Variants in DDX60L observed in about 807,000 individuals in gnomAD.
The protein encoded by DDX60L is DExD/H-box 60 like, also known as probable ATP-dependent RNA helicase DDX60-like.
Under a neutral mutation model 211.6 loss-of-function variants are expected in DDX60L, and 191 were observed. The ratio of observed to expected loss-of-function variants is 0.90; its 90% CI spans 0.80 to 1.02. The LOEUF (loss-of-function observed/expected upper bound fraction) is 1.02. Ranked by LOEUF, DDX60L falls within the 50% of genes least tolerant of loss-of-function variation. The probability of loss-of-function intolerance (pLI) is 0.00; values close to 1 mark genes in which losing one functional copy is unlikely to be tolerated. For missense variants in DDX60L, 2,007 were observed against 1,984.1 expected (o/e 1.01, Z -0.22); for synonymous variants, 706 against 694.1 (o/e 1.02, Z -0.27).
Position 168,392,076 on chromosome 4 carries a change from T to C in DDX60L, c.3811-432A>G, listed in dbSNP as rs115147609. ...GGACACACAGCAGATGCACAATAAA[T>C]ATGTGTCCAATAACTGCATGAATGA... On this transcript the variant is annotated intron_variant, in intron 28 of 37. Coordinates refer to ENST00000682922, the MANE Select transcript of DDX60L (RefSeq NM_001012967.3). Among the ~76,000 whole-genome samples the C allele has an allele frequency of 3.9e-3, 597 of 152,258 alleles. 3 individuals carry two copies. Among genetic ancestry groups the C allele is most frequent in the Admixed American group, 9.4e-3 (144 of 15,296 alleles).
At chr4:168,386,878 G>A (rs767051526) in intron 29 of DDX60L, among the ~76,000 whole-genome samples, 9 of 152,208 alleles carry the variant, frequency 5.9e-5, no homozygotes, top group South Asian at 2.1e-4. Context: ...AAATGTTCAT[G>A]AGCATAAGAA....
chr4:168,414,151 A>G (rs1749133288), intron 22 of DDX60L, among the ~76,000 whole-genome samples: 1 of 152,154 alleles, frequency 6.6e-6, no homozygotes, highest in East Asian at 1.9e-4. Flanking sequence ...TCAGACATGA[A>G]GGAGAAATAA....
At chr4:168,419,471 T>C (rs1750122041) in intron 18 of DDX60L, 74 bp from the exon 19 acceptor site, 1 of 1,030,988 alleles carries the variant, frequency 9.7e-7, no homozygotes, top group Non-Finnish European at 1.4e-6. Context: ...AATAGGAACC[T>C]AGAAAATATG....
chr4:168,391,428 G>A lies in DDX60L; in HGVS notation c.3915+112C>T, dbSNP rs967563224. On this transcript the variant is annotated intron_variant, in intron 29 of 37. Coordinates refer to ENST00000682922, the MANE Select transcript of DDX60L (RefSeq NM_001012967.3). ...CAACTCAAAAATGCTATGCCACATAGAAAGTAAAAGGAAGGACACAAACCG... is the reference window on the plus strand; with the variant it reads ...CAACTCAAAAATGCTATGCCACATAAAAAGTAAAAGGAAGGACACAAACCG... 215 of 705,556 alleles carry A rather than the reference G, an allele frequency of 3.0e-4. 2 individuals carry two copies. The highest frequency in any genetic ancestry group is 7.1e-4 in the Middle Eastern group (3 of 4,200). 43.7% of individuals were successfully genotyped at this position (705,556 alleles called of 1,614,324 possible). A position where few individuals can be genotyped will look rare whatever the true frequency, so the allele number is the denominator to read the frequency against.
chr4:168,422,693 G>GA (rs1750827922), intron 15 of DDX60L, 23 bp from the exon 16 acceptor site: 2 of 1,496,382 alleles, frequency 1.3e-6, no homozygotes, highest in East Asian at 4.9e-5. Flanking sequence ...TATATTATTT[G>GA]AAATCAACTT....
intron 22 of DDX60L, among the ~76,000 whole-genome samples, chr4:168,414,387 CA>C (rs1292250607): frequency 6.6e-6 from 1 of 152,012 alleles, no homozygotes; most frequent in Admixed American, 6.6e-5. Context: ...GAACCTATCA[CA>C]AATTACAGCC....
Position 168,406,089 on chromosome 4 carries a change from A to G in DDX60L, c.3085-11T>C. ...CTCTGGACACAATTCCTTGGGGGGA[A>G]AATTATCACAAAATTAAGCTAAGCT... On this transcript the variant is annotated splice_polypyrimidine_tract_variant and intron_variant, in intron 23 of 37. Coordinates refer to ENST00000682922, the MANE Select transcript of DDX60L (RefSeq NM_001012967.3). The G allele has an allele frequency of 6.3e-7, 1 of 1,584,586 alleles. No individual in the cohort carries two copies. Among genetic ancestry groups the G allele is most frequent in the Non-Finnish European group, 8.5e-7 (1 of 1,170,280 alleles).
At chr4:168,401,256 ATGTGCCT>A (rs572116517) in intron 25 of DDX60L, among the ~76,000 whole-genome samples, 73 of 152,322 alleles carry the variant, frequency 4.8e-4, no homozygotes, top group African/African-American at 1.6e-3. Context: ...TGGAGGCTTC[ATGTGCCT>A]GGTAAAACTC....
chr4:168,453,206 A>G lies in DDX60L; in HGVS notation c.914T>C (p.Leu305Pro). The change falls in exon 8 of 38, where the codon CTC (leucine) becomes CCC (proline). Residue 305 changes from leucine to proline, a missense_variant. Transcript: ENST00000682922. ...RLRCLCVAFQ[L>P]HLPLSQRACS... is the part of the protein sequence containing the mutation. ...AGCTCTCTGAGAAAGGGGTAAGTGG[A>G]GTTGAAAAGCCACACAGAGGCAACG... 6.2e-7 allele frequency: 1 copy of G among 1,613,388 alleles called. No individual in the cohort carries two copies. The highest frequency in any genetic ancestry group is 8.5e-7 in the Non-Finnish European group (1 of 1,179,546).
intron 13 of DDX60L, 75 bp downstream of exon 13, chr4:168,430,403 C>T: frequency 1.5e-6 from 2 of 1,329,640 alleles, no homozygotes; most frequent in Admixed American, 2.9e-5. Flanking sequence ...GAAGACACCT[C>T]CAGAGACAAA....
Position 168,358,265 on chromosome 4 carries a change from C to T in DDX60L, c.5003G>A (p.Ser1668Asn), listed in dbSNP as rs766664760. The T allele has an allele frequency of 6.3e-7, 1 of 1,578,366 alleles. No homozygotes were observed. Among genetic ancestry groups the T allele is most frequent in the Non-Finnish European group, 8.6e-7 (1 of 1,162,930 alleles). ...FNIQAISDSL[S>N]ELCENKRDNV... is the part of the protein sequence containing the mutation. ...GTCACGCTTATTTTCACATAGTTCACTCAAGGAGTCACTGTATAAATGATA... is the reference window on the plus strand; with the variant it reads ...GTCACGCTTATTTTCACATAGTTCATTCAAGGAGTCACTGTATAAATGATA... The change falls in exon 38 of 38, where the codon AGT (serine) becomes AAT (asparagine). Residue 1668 changes from serine to asparagine, a missense_variant. Coordinates refer to ENST00000682922, the MANE Select transcript of DDX60L (RefSeq NM_001012967.3).
intron 7 of DDX60L, 53 bp from the exon 8 acceptor site, chr4:168,453,335 C>G: frequency 6.5e-7 from 1 of 1,547,212 alleles, no homozygotes; most frequent in Non-Finnish European, 8.8e-7. Context: ...TGTGAAATGG[C>G]ATTGAAATAG....
intron 35 of DDX60L, among the ~76,000 whole-genome samples, chr4:168,372,143 T>C (rs1741143716): frequency 6.6e-6 from 1 of 152,180 alleles, no homozygotes; most frequent in Non-Finnish European, 1.5e-5. Flanking sequence ...GTTATCTTCA[T>C]TGGTGCACAG....
intron 7 of DDX60L, among the ~76,000 whole-genome samples, chr4:168,454,102 A>C (rs1366343001): frequency 2.0e-5 from 3 of 152,200 alleles, no homozygotes; most frequent in Non-Finnish European, 4.4e-5. Context: ...CACCCACGGC[A>C]CATCTTCAGC....
intron 24 of DDX60L, among the ~76,000 whole-genome samples, chr4:168,404,712 A>T (rs1225718607): frequency 6.6e-6 from 1 of 152,116 alleles, no homozygotes; most frequent in African/African-American, 2.4e-5. Flanking sequence ...ATATTTGATA[A>T]TTTTTTTATA....
intron 13 of DDX60L, 35 bp from the exon 14 acceptor site, chr4:168,427,357 G>A (rs577245186): frequency 8.8e-6 from 14 of 1,587,944 alleles, no homozygotes; most frequent in Middle Eastern, 1.7e-4. Flanking sequence ...TGAAACAAGT[G>A]GGAAAATTCC....
In DDX60L at chr4:168,480,233, CA is replaced by C. The variant is rs1760254186; in HGVS notation, c.-111+143del. On this transcript the variant is annotated intron_variant, in intron 1 of 37. Transcript: ENST00000682922. ...TGCCGCCCGAGCCCAGTGGGCGCCC[CA>C]GCTTCCCTCGCCCGGCGCGCACGAA... 3 of 152,932 alleles carry C rather than the reference CA, an allele frequency of 2.0e-5. No individual in the cohort carries two copies. In the Admixed American group the frequency reaches 2.0e-4, roughly 10 times the overall value. 9.5% of individuals were successfully genotyped at this position (152,932 alleles called of 1,614,324 possible).
chr4:168,419,290 C>T lies in DDX60L; in HGVS notation c.2610+12G>A. On this transcript the variant is annotated intron_variant, in intron 19 of 37. Coordinates refer to ENST00000682922, the MANE Select transcript of DDX60L (RefSeq NM_001012967.3). ...ACTAGAACATCAACCAGAGAACTAA[C>T]ACCAAACCTACCTCATCAAATATAA... 6.4e-7 allele frequency: 1 copy of T among 1,572,960 alleles called. No homozygotes were observed. Among genetic ancestry groups the T allele is most frequent in the East Asian group, 2.3e-5 (1 of 43,804 alleles).
chr4:168,420,639 C>CACACACGAG (rs10598233), intron 17 of DDX60L, among the ~76,000 whole-genome samples: 112 of 106,642 alleles, frequency 1.1e-3, no homozygotes, highest in Non-Finnish European at 1.8e-3. Context: ...CACACACACA[C>CACACACGAG]ATGAGATAGA....
Sources: allele counts gnomAD v4.1 joint callset (sites outside exome capture counted in the v4.1 genomes callset), GRCh38; gene constraint gnomAD v4.1.1; transcripts MANE v1.5; gene names NCBI Gene and HGNC (gene_info 2026-07-23, HGNC 2026-07-21).